NAALADL2: variants seen among roughly 807,000 people sequenced by gnomAD.
NAALADL2 encodes the protein inactive N-acetylated-alpha-linked acidic dipeptidase-like protein 2.
A neutral mutation model predicts 87.2 loss-of-function variants in NAALADL2; 76 were observed. The observed-to-expected ratio is 0.87, with a 90% CI of 0.72 to 1.05. The LOEUF (loss-of-function observed/expected upper bound fraction) is 1.05. Among genes scored for constraint, NAALADL2 ranks in the 50% least tolerant of loss-of-function variants. NAALADL2 has a pLI of 0.00. For missense variants in NAALADL2, 1,089 were observed against 945.8 expected (o/e 1.15, Z -1.99); for synonymous variants, 354 against 331.0 (o/e 1.07, Z -0.75).
intron 2 of NAALADL2, among the ~76,000 whole-genome samples, chr3:175,133,881 T>G (rs1028984393): frequency 9.2e-5 from 14 of 152,318 alleles, no homozygotes; most frequent in African/African-American, 2.9e-4. Flanking sequence ...ATTTGAATGT[T>G]TTTACTCTGA....
intron 2 of NAALADL2, among the ~76,000 whole-genome samples, chr3:174,684,658 T>C (rs1004294790): frequency 6.6e-6 from 1 of 152,154 alleles, no homozygotes; most frequent in Non-Finnish European, 1.5e-5. Flanking sequence ...TGACAGTTCA[T>C]GGAAGAGCAG....
chr3:175,733,271 A>G (rs369734917), intron 11 of NAALADL2, among the ~76,000 whole-genome samples: 8 of 152,210 alleles, frequency 5.3e-5, no homozygotes, highest in East Asian at 1.9e-4. Context: ...AAGAGGTTTA[A>G]TGGAGAACTC....
At chr3:175,403,574 T>C (rs1026954208) in intron 5 of NAALADL2, among the ~76,000 whole-genome samples, 2 of 152,150 alleles carry the variant, frequency 1.3e-5, no homozygotes, top group Non-Finnish European at 2.9e-5. Flanking sequence ...TCAATAGGCA[T>C]TGTCTAAAAT....
chr3:174,883,471 C>T (rs1381385546), intron 1 of NAALADL2, among the ~76,000 whole-genome samples: 1 of 152,144 alleles, frequency 6.6e-6, no homozygotes, highest in Admixed American at 6.5e-5. Context: ...CACTGATCCC[C>T]AACCCAAATA....
chr3:175,763,634 T>G (rs1443789077), intron 13 of NAALADL2, among the ~76,000 whole-genome samples: 1 of 152,190 alleles, frequency 6.6e-6, no homozygotes. Flanking sequence ...ATTTCAAAAC[T>G]GCTCCACACA....
At chr3:174,868,782 A>T (rs1727458538) in intron 1 of NAALADL2, among the ~76,000 whole-genome samples, 1 of 152,174 alleles carries the variant, frequency 6.6e-6, no homozygotes, top group Non-Finnish European at 1.5e-5. Context: ...TCTAAACTGT[A>T]ATTGTATATT....
chr3:175,673,104 T>G (rs1274010058), intron 11 of NAALADL2, among the ~76,000 whole-genome samples: 1 of 152,194 alleles, frequency 6.6e-6, no homozygotes, highest in Non-Finnish European at 1.5e-5. Flanking sequence ...TTATTTCCCT[T>G]TTTATTGTCT....
chr3:174,812,614 C>G (rs1343332888), intron 3 of NAALADL2, among the ~76,000 whole-genome samples: 1 of 151,800 alleles, frequency 6.6e-6, no homozygotes, highest in Non-Finnish European at 1.5e-5. Flanking sequence ...AGAGGTATTC[C>G]AAAAGAAGGC....
rs180962281 is a variant in NAALADL2 at position 175,142,203 on chromosome 3, A to G, written c.545+44912A>G. On this transcript the variant is annotated intron_variant, in intron 2 of 13. Transcript: ENST00000454872. Reference sequence around the variant, plus strand: ...CATTGAATAAATTTAACCATTTTTCATTTGTGCATCTAAGTCTGAGAACTT... The same window carrying G: ...CATTGAATAAATTTAACCATTTTTCGTTTGTGCATCTAAGTCTGAGAACTT... Among the ~76,000 whole-genome samples, 53 of 152,196 alleles carry G rather than the reference A, an allele frequency of 3.5e-4. No individual in the cohort carries two copies. The East Asian group carries it at 9.8e-3, about 28-fold the overall frequency.
chr3:175,040,587 C>A (rs190165470), intron 1 of NAALADL2, among the ~76,000 whole-genome samples: 2 of 152,264 alleles, frequency 1.3e-5, no homozygotes, highest in African/African-American at 4.8e-5. Context: ...TGAATGTGAA[C>A]TTTTCTGAGT....
intron 13 of NAALADL2, among the ~76,000 whole-genome samples, chr3:175,793,396 G>C (rs1287098505): frequency 2.0e-5 from 3 of 150,550 alleles, no homozygotes; most frequent in Non-Finnish European, 2.9e-5. Context: ...TGCAAGCTCG[G>C]CCACCCGTGT....
At chr3:175,050,361 C>T (rs200460935) in intron 1 of NAALADL2, among the ~76,000 whole-genome samples, 1 of 151,588 alleles carries the variant, frequency 6.6e-6, no homozygotes, top group Non-Finnish European at 1.5e-5. Context: ...CTCCTGGGTT[C>T]AAACAGTTCT....
intron 1 of NAALADL2, among the ~76,000 whole-genome samples, chr3:174,970,953 A>T (rs1033123161): frequency 3.9e-5 from 6 of 152,200 alleles, no homozygotes; most frequent in African/African-American, 1.4e-4. Context: ...TGAGACTGGA[A>T]AGAAAAAGAG....
At chr3:174,829,580 G>A (rs1192036730) in intron 3 of NAALADL2, among the ~76,000 whole-genome samples, 8 of 141,088 alleles carry the variant, frequency 5.7e-5, no homozygotes, top group African/African-American at 1.9e-4. Context: ...AAACATACGT[G>A]TGCATGTGTC....
chr3:174,803,831 A>T (rs564518089), intron 3 of NAALADL2, among the ~76,000 whole-genome samples: 1 of 151,878 alleles, frequency 6.6e-6, no homozygotes, highest in South Asian at 2.1e-4. Flanking sequence ...TGGCCTATAT[A>T]TCTGTTTTGG....
intron 3 of NAALADL2, among the ~76,000 whole-genome samples, chr3:174,797,471 T>TGGC (rs1225100266): frequency 6.6e-6 from 1 of 151,758 alleles, no homozygotes; most frequent in African/African-American, 2.4e-5. Context: ...CCACCACGCC[T>TGGC]GGCTAATTTT....
intron 11 of NAALADL2, among the ~76,000 whole-genome samples, chr3:175,639,318 C>CTTTTTTTTT (rs756214274): frequency 0.013 from 1,419 of 108,688 alleles, 133 homozygotes; most frequent in African/African-American, 0.04. Context: ...AAGCGTTATT[C>CTTTTTTTTT]TTTTTTTTTT....
intron 9 of NAALADL2, among the ~76,000 whole-genome samples, chr3:175,472,093 G>A (rs964873174): frequency 2.6e-5 from 4 of 151,212 alleles, no homozygotes; most frequent in Non-Finnish European, 5.9e-5. Context: ...GATAAGCCTG[G>A]TTACTTTTGA....
intron 13 of NAALADL2, among the ~76,000 whole-genome samples, chr3:175,780,973 A>C (rs902202007): frequency 6.6e-6 from 1 of 152,216 alleles, no homozygotes; most frequent in Non-Finnish European, 1.5e-5. Context: ...ATGAGAGATT[A>C]ATGGTGAAGC....
Sources: allele counts gnomAD v4.1 joint callset (sites outside exome capture counted in the v4.1 genomes callset), GRCh38; gene constraint gnomAD v4.1.1; transcripts MANE v1.5; gene names NCBI Gene and HGNC (gene_info 2026-07-23, HGNC 2026-07-21).